SNX18: variants seen among roughly 807,000 people sequenced by gnomAD.
The protein encoded by SNX18 is sorting nexin-18.
SNX18 carries 35 observed loss-of-function variants against 48.7 expected under a neutral mutation model. The ratio of observed to expected loss-of-function variants is 0.72; its 90% CI spans 0.55 to 0.95. The LOEUF is 0.95. SNX18 is among the 40% of genes least tolerant of loss of function. The pLI, the probability that SNX18 is intolerant of heterozygous loss-of-function variation, is 0.00. For synonymous variants in SNX18, 492 were observed against 384.7 expected (o/e 1.28, Z -3.26); for missense variants, 824 against 871.0 (o/e 0.95, Z 0.68).
intron 1 of SNX18, among the ~76,000 whole-genome samples, chr5:54,523,650 C>G (rs1762073895): frequency 6.6e-6 from 1 of 152,222 alleles, no homozygotes; most frequent in Admixed American, 6.5e-5. Flanking sequence ...GACTCTACTT[C>G]ATCGCTCTCT....
intron 1 of SNX18, among the ~76,000 whole-genome samples, chr5:54,532,518 T>C (rs1762268521): frequency 6.6e-6 from 1 of 152,268 alleles, no homozygotes; most frequent in East Asian, 1.9e-4. Context: ...CTTATTTTAT[T>C]AAGATTCTGT....
chr5:54,616,498 C>A, the SNX18 span, among the ~76,000 whole-genome samples: 1 of 152,164 alleles, frequency 6.6e-6, no homozygotes, highest in African/African-American at 2.4e-5. Context: ...CTTGGCCAGG[C>A]ACGGTGGCTC....
chr5:54,563,389 C>T, the SNX18 span, among the ~76,000 whole-genome samples: 2 of 152,098 alleles, frequency 1.3e-5, no homozygotes, highest in Non-Finnish European at 1.5e-5. Context: ...TTTTACACTA[C>T]CTTTTCTATG....
At chr5:54,526,031 TCTGAAG>T (rs1313443592) in intron 1 of SNX18, among the ~76,000 whole-genome samples, 1 of 152,158 alleles carries the variant, frequency 6.6e-6, no homozygotes, top group African/African-American at 2.4e-5. Context: ...TCCCGGGTGT[TCTGAAG>T]CTGTGGTATG....
At chr5:54,530,743 A>ATTTTTT (rs1762238967) in intron 1 of SNX18, among the ~76,000 whole-genome samples, 2 of 58,052 alleles carry the variant, frequency 3.4e-5, no homozygotes, top group Non-Finnish European at 6.5e-5. Flanking sequence ...GAACCACAGA[A>ATTTTTT]ATTTTTTTTT....
At chr5:54,584,046 C>CTT in the SNX18 span, among the ~76,000 whole-genome samples, 502 of 110,510 alleles carry the variant, frequency 4.5e-3, 2 homozygotes, top group East Asian at 7.8e-3. Context: ...GTGTGTAGCT[C>CTT]TTTTTTTTTT....
chr5:54,609,286 C>T, the SNX18 span, among the ~76,000 whole-genome samples: 1 of 152,012 alleles, frequency 6.6e-6, no homozygotes, highest in African/African-American at 2.4e-5. Context: ...TGGATATTAA[C>T]TATTGAGGTG....
chr5:54,588,325 T>A, the SNX18 span, among the ~76,000 whole-genome samples: 146 of 22,636 alleles, frequency 6.4e-3, no homozygotes, highest in Non-Finnish European at 0.011. Flanking sequence ...TTTTTTTTTT[T>A]TTTTTTTTTT....
Position 54,519,278 on chromosome 5 carries a change from G to C in SNX18, c.1326G>C (p.Ala442=), listed in dbSNP as rs553672590. ...KCFTKKMDDS[A]LQLNHTANEF... ...TCACCAAGAAGATGGACGACAGCGC[G>C]CTGCAGCTCAACCACACGGCCAACG... Residue 442 remains alanine (A), a synonymous_variant, in exon 1 of 2, where the codon GCG becomes GCC. Coordinates refer to ENST00000381410, the MANE Select transcript of SNX18 (RefSeq NM_001102575.2). The C allele has an allele frequency of 6.8e-6, 11 of 1,614,112 alleles. No homozygotes were observed. Among genetic ancestry groups the C allele is most frequent in the Admixed American group, 3.3e-5 (2 of 60,026 alleles).
Position 54,519,575 on chromosome 5 carries a change from TA to T in SNX18, c.1621+5del, listed in dbSNP as rs1347874284. ...CGGACATCATCCACGTTCAGAAAGG[TA>T]AAGCCTGGCCCTTAGAGCAGGTGAT... On this transcript the variant is annotated splice_donor_region_variant and intron_variant, in intron 1 of 1. Transcript: ENST00000381410. 3 of 1,614,126 alleles carry T rather than the reference TA, an allele frequency of 1.9e-6. No individual in the cohort carries two copies. The South Asian group carries it at 3.3e-5, about 18-fold the overall frequency.
chr5:54,554,431 G>A, the SNX18 span, among the ~76,000 whole-genome samples: 1 of 152,072 alleles, frequency 6.6e-6, no homozygotes, highest in African/African-American at 2.4e-5. Context: ...ACATAAACAG[G>A]GCCTAGCTCC....
chr5:54,552,270 A>G, the SNX18 span, among the ~76,000 whole-genome samples: 1 of 152,196 alleles, frequency 6.6e-6, no homozygotes, highest in Non-Finnish European at 1.5e-5. Context: ...AAACACATCT[A>G]GCAGAGTTCA....
At chr5:54,527,363 G>T (rs2565006) in intron 1 of SNX18, among the ~76,000 whole-genome samples, 2 of 149,790 alleles carry the variant, frequency 1.3e-5, no homozygotes, top group African/African-American at 2.4e-5. Context: ...GGAGCCGGGG[G>T]GGGGGGTCCC....
chr5:54,542,174 T>G (rs1379518137), intron 1 of SNX18, among the ~76,000 whole-genome samples: 1 of 152,216 alleles, frequency 6.6e-6, no homozygotes, highest in Non-Finnish European at 1.5e-5. Flanking sequence ...TCCTAAGAAC[T>G]CAGGAATAGC....
the SNX18 span, among the ~76,000 whole-genome samples, chr5:54,577,322 A>G: frequency 1.3e-5 from 2 of 150,844 alleles, no homozygotes; most frequent in African/African-American, 4.9e-5. Context: ...TCATAAATAC[A>G]TATCAAAATA....
the SNX18 span, chr5:54,645,154 A>C: frequency 9.2e-5 from 14 of 152,248 alleles, no homozygotes; most frequent in Non-Finnish European, 5.9e-5. Flanking sequence ...ATTTGCCGGT[A>C]CTAAAACATG....
the SNX18 span, among the ~76,000 whole-genome samples, chr5:54,603,757 A>G: frequency 2.0e-5 from 3 of 152,214 alleles, no homozygotes; most frequent in Non-Finnish European, 4.4e-5. Context: ...TTACTAACAC[A>G]TAATTATCAG....
At chr5:54,587,953 C>T in the SNX18 span, among the ~76,000 whole-genome samples, 7 of 152,296 alleles carry the variant, frequency 4.6e-5, no homozygotes, top group East Asian at 1.3e-3. Context: ...ATGAGGCCAT[C>T]TGCCAGGTTG....
chr5:54,541,096 C>T (rs1445837004), intron 1 of SNX18, among the ~76,000 whole-genome samples: 1 of 151,882 alleles, frequency 6.6e-6, no homozygotes, highest in South Asian at 2.1e-4. Flanking sequence ...GGCGCAATCT[C>T]GGCGCAATGC....
Sources: allele counts gnomAD v4.1 joint callset (sites outside exome capture counted in the v4.1 genomes callset), GRCh38; gene constraint gnomAD v4.1.1; transcripts MANE v1.5; gene names NCBI Gene and HGNC (gene_info 2026-07-23, HGNC 2026-07-21).